The following ST8SIA4 variants were observed in gnomAD, a reference collection of about 807,000 sequenced individuals.
ST8SIA4 encodes the protein CMP-N-acetylneuraminate-poly-alpha-2,8-sialyltransferase.
In ST8SIA4, 15 loss-of-function variants were observed where a neutral mutation model predicts 33.9. That is an observed-to-expected ratio of 0.44 (90% CI 0.30 to 0.68). ST8SIA4 has a LOEUF of 0.68. Ranked by LOEUF, ST8SIA4 falls within the 30% of genes least tolerant of loss-of-function variation. The pLI is 0.10. For synonymous variants in ST8SIA4, 171 were observed against 151.2 expected, an observed-to-expected ratio of 1.13 and a Z score of -0.96; for missense variants, 321 against 428.0, an observed-to-expected ratio of 0.75 and a Z score of 2.21.
chr5:100,852,940 G>A (rs940369185), intron 4 of ST8SIA4, among the ~76,000 whole-genome samples: 3 of 152,078 alleles, frequency 2.0e-5, no homozygotes, highest in Admixed American at 2.0e-4. Flanking sequence ...TGCAGTACTT[G>A]GAAGAGCCTT....
chr5:100,817,029 G>A (rs1179429953), intron 4 of ST8SIA4, among the ~76,000 whole-genome samples: 2 of 147,866 alleles, frequency 1.4e-5, no homozygotes, highest in East Asian at 2.0e-4. Flanking sequence ...TGCAATCTCT[G>A]CCTCCCGGGT....
intron 2 of ST8SIA4, among the ~76,000 whole-genome samples, chr5:100,891,698 G>T (rs1182450450): frequency 3.3e-5 from 5 of 151,850 alleles, no homozygotes; most frequent in African/African-American, 1.2e-4. Flanking sequence ...AGAGCAAAGA[G>T]AATCATTTAT....
chr5:100,828,078 A>T (rs1191165394), intron 4 of ST8SIA4, among the ~76,000 whole-genome samples: 2 of 152,168 alleles, frequency 1.3e-5, no homozygotes, highest in Non-Finnish European at 2.9e-5. Context: ...GGGACATCTC[A>T]CTAATCAGAG....
At chr5:100,814,277 A>G (rs1203659182) in intron 4 of ST8SIA4, among the ~76,000 whole-genome samples, 1 of 152,080 alleles carries the variant, frequency 6.6e-6, no homozygotes, top group Non-Finnish European at 1.5e-5. Flanking sequence ...CTGTGATTGC[A>G]AAGCATCTTA....
intron 3 of ST8SIA4, chr5:100,885,519 A>G (rs1752517598): frequency 2.1e-6 from 2 of 934,988 alleles, no homozygotes; most frequent in African/African-American, 3.6e-5. Context: ...TCAACATGTC[A>G]ACTCAGCATA....
chr5:100,810,224 T>G lies in ST8SIA4; in HGVS notation c.*1623A>C, dbSNP rs547757723. The G allele has an allele frequency of 1.3e-5, 2 of 152,310 alleles. No homozygotes were observed. Among genetic ancestry groups the G allele is most frequent in the East Asian group, 3.9e-4 (2 of 5,190 alleles). The allele number at this position is 152,310 out of a possible 1,614,324, so 9.4% of individuals were successfully genotyped here. On this transcript the variant is annotated 3_prime_UTR_variant, in exon 5 of 5. Coordinates refer to ENST00000231461, the MANE Select transcript of ST8SIA4 (RefSeq NM_005668.6). ...ATTTTTTAATTACTTTATTAATAATTTCATGTGTTTCTTGAAGAACATATG... is the reference window on the plus strand; with the variant it reads ...ATTTTTTAATTACTTTATTAATAATGTCATGTGTTTCTTGAAGAACATATG...
At chr5:100,812,481 T>A (rs549425473) in intron 4 of ST8SIA4, among the ~76,000 whole-genome samples, 1 of 152,006 alleles carries the variant, frequency 6.6e-6, no homozygotes, top group Non-Finnish European at 1.5e-5. Context: ...GCAGAAGTCA[T>A]GGTAATTGGG....
chr5:100,863,572 A>C (rs1009864219), intron 3 of ST8SIA4, among the ~76,000 whole-genome samples: 1 of 152,206 alleles, frequency 6.6e-6, no homozygotes, highest in African/African-American at 2.4e-5. Context: ...TCTCTTCAAA[A>C]GATTTATATC....
At chr5:100,817,642 TTTG>T (rs1165857067) in intron 4 of ST8SIA4, among the ~76,000 whole-genome samples, 1 of 152,222 alleles carries the variant, frequency 6.6e-6, no homozygotes, top group East Asian at 1.9e-4. Flanking sequence ...TTGAAATTAT[TTTG>T]GTACAGTTCA....
intron 2 of ST8SIA4, 101 bp from the exon 3 acceptor site, chr5:100,886,701 A>C: frequency 1.0e-6 from 1 of 968,046 alleles, no homozygotes. Context: ...CAAATTGGCA[A>C]ACTATTAATC....
chr5:100,866,531 T>C (rs1293556779), intron 3 of ST8SIA4, among the ~76,000 whole-genome samples: 1 of 151,868 alleles, frequency 6.6e-6, no homozygotes, highest in African/African-American at 2.4e-5. Flanking sequence ...TTTGTTTATT[T>C]TAACACTTGT....
chr5:100,829,790 C>T (rs963587216), intron 4 of ST8SIA4, among the ~76,000 whole-genome samples: 2 of 151,976 alleles, frequency 1.3e-5, no homozygotes, highest in Non-Finnish European at 2.9e-5. Context: ...CGCCTGCAGT[C>T]CCAGCTACTC....
chr5:100,822,982 G>T (rs200171148), intron 4 of ST8SIA4, among the ~76,000 whole-genome samples: 6 of 151,940 alleles, frequency 3.9e-5, no homozygotes, highest in Non-Finnish European at 4.4e-5. Flanking sequence ...ATACAAAAAA[G>T]TAGCCGGGCG....
intron 3 of ST8SIA4, among the ~76,000 whole-genome samples, chr5:100,857,943 G>A (rs558894462): frequency 3.9e-4 from 59 of 151,956 alleles, no homozygotes; most frequent in Non-Finnish European, 7.5e-4. Context: ...TTATATGACA[G>A]AGTATGTATT....
intron 4 of ST8SIA4, among the ~76,000 whole-genome samples, chr5:100,843,791 T>G (rs1194231711): frequency 2.0e-5 from 3 of 151,952 alleles, no homozygotes; most frequent in Non-Finnish European, 4.4e-5. Context: ...CTTCTTGCTC[T>G]GCAAATTCCC....
At chr5:100,881,585 C>G (rs1294655921) in intron 3 of ST8SIA4, among the ~76,000 whole-genome samples, 5 of 152,150 alleles carry the variant, frequency 3.3e-5, no homozygotes, top group Non-Finnish European at 7.3e-5. Flanking sequence ...GTAAAGCACA[C>G]ATTGCACACA....
chr5:100,865,773 T>C (rs1278266254), intron 3 of ST8SIA4, among the ~76,000 whole-genome samples: 1 of 152,132 alleles, frequency 6.6e-6, no homozygotes, highest in East Asian at 1.9e-4. Flanking sequence ...TTCTGCCTCA[T>C]ATATACTCCT....
chr5:100,813,214 G>C (rs571321268), intron 4 of ST8SIA4, among the ~76,000 whole-genome samples: 2 of 151,778 alleles, frequency 1.3e-5, no homozygotes, highest in African/African-American at 4.8e-5. Flanking sequence ...AGAGTACTGA[G>C]TATGAAAAAA....
chr5:100,859,273 A>C (rs1247601119), intron 3 of ST8SIA4, among the ~76,000 whole-genome samples: 2 of 152,116 alleles, frequency 1.3e-5, no homozygotes, highest in African/African-American at 4.8e-5. Context: ...ATTCAAAATT[A>C]GCCAGAATGT....
Sources: allele counts gnomAD v4.1 joint callset (sites outside exome capture counted in the v4.1 genomes callset), GRCh38; gene constraint gnomAD v4.1.1; transcripts MANE v1.5; gene names NCBI Gene and HGNC (gene_info 2026-07-23, HGNC 2026-07-21).